Variants in FGF18 observed in about 807,000 individuals in gnomAD.
The protein encoded by FGF18 is fibroblast growth factor 18.
FGF18 carries 5 observed loss-of-function variants against 23.0 expected under a neutral mutation model. That is an observed-to-expected ratio of 0.22 (90% confidence interval 0.11 to 0.46). The LOEUF (loss-of-function observed/expected upper bound fraction) is 0.46, where lower values mean the gene tolerates loss of function less well. Ranked by LOEUF, FGF18 falls within the 20% of genes least tolerant of loss-of-function variation. The pLI is 0.99. For synonymous variants in FGF18, 117 were observed against 118.9 expected, an observed-to-expected ratio of 0.98 and a Z score of 0.10; for missense variants, 180 against 291.6, an observed-to-expected ratio of 0.62 and a Z score of 2.79.
rs1491536696 is a variant in FGF18, at chr5:171,457,172, A to AG, written c.*367_*368insG. The AG allele has an allele frequency of 5.7e-6, 1 of 176,616 alleles. No homozygotes were observed. The highest frequency in any genetic ancestry group is 2.4e-5 in the African/African-American group (1 of 41,910). The allele number at this position is 176,616 out of a possible 1,614,324, so 10.9% of individuals were successfully genotyped here. On this transcript the variant is annotated 3_prime_UTR_variant, in exon 5 of 5. Coordinates refer to ENST00000274625, the MANE Select transcript of FGF18 (RefSeq NM_003862.3). The stretch of plus-strand genomic sequence containing the variant: ...GGTTCTGAAAGGAAAAAAAAAAAAA[A>AG]CAAAAAAAAAGAAAAACAAAGAGAA...
chr5:171,450,941 T>G (rs1275923565), intron 4 of FGF18, among the ~76,000 whole-genome samples: 1 of 151,984 alleles, frequency 6.6e-6, no homozygotes, highest in Non-Finnish European at 1.5e-5. Flanking sequence ...CACCCGCCAG[T>G]GCCCGTGCCC....
intron 2 of FGF18, among the ~76,000 whole-genome samples, chr5:171,420,855 C>G (rs1177059538): frequency 6.6e-6 from 1 of 152,244 alleles, no homozygotes; most frequent in African/African-American, 2.4e-5. Flanking sequence ...GAGTGGATTT[C>G]GAGTCCAGGG....
intron 4 of FGF18, among the ~76,000 whole-genome samples, chr5:171,452,779 C>T (rs1476508712): frequency 6.6e-6 from 1 of 152,170 alleles, no homozygotes; most frequent in Non-Finnish European, 1.5e-5. Context: ...CCCACCAGCA[C>T]ATCTTTGTTA....
intron 2 of FGF18, among the ~76,000 whole-genome samples, chr5:171,421,556 GA>G (rs144365857): frequency 0.021 from 3,129 of 152,290 alleles, 98 homozygotes; most frequent in African/African-American, 0.068. Context: ...TTGAGCACAG[GA>G]AATTGGTGGT....
intron 4 of FGF18, 83 bp downstream of exon 4, chr5:171,449,336 G>A: frequency 1.2e-6 from 1 of 816,608 alleles, no homozygotes; most frequent in Admixed American, 1.8e-5. Flanking sequence ...CCAGGGCACT[G>A]TCAGTCCCAA....
intron 2 of FGF18, among the ~76,000 whole-genome samples, chr5:171,423,905 C>G (rs1375883722): frequency 6.6e-6 from 1 of 150,796 alleles, no homozygotes; most frequent in African/African-American, 2.4e-5. Flanking sequence ...GCTGGGATTA[C>G]AGGTACACAC....
chr5:171,435,651 G>A (rs1442607338), intron 2 of FGF18, among the ~76,000 whole-genome samples: 2 of 152,082 alleles, frequency 1.3e-5, no homozygotes, highest in African/African-American at 4.8e-5. Flanking sequence ...CATGGACCCA[G>A]CGTTCCATCC....
At chr5:171,450,988 C>T (rs536776024) in intron 4 of FGF18, among the ~76,000 whole-genome samples, 7 of 152,168 alleles carry the variant, frequency 4.6e-5, no homozygotes, top group South Asian at 2.1e-4. Flanking sequence ...CGTGCTGTTC[C>T]CGGCATCTTG....
At chr5:171,444,470 C>T (rs1320875721) in intron 3 of FGF18, among the ~76,000 whole-genome samples, 1 of 152,200 alleles carries the variant, frequency 6.6e-6, no homozygotes, top group Non-Finnish European at 1.5e-5. Flanking sequence ...GGACAATGCC[C>T]AGCACATCAT....
rs534322394 is a variant in FGF18, at chr5:171,449,143, G to C, written c.251-4G>C. On this transcript the variant is annotated splice_polypyrimidine_tract_variant and splice_region_variant and intron_variant, in intron 3 of 4. Transcript: ENST00000274625. ...GTGTCTTGTTCTCCTTCTGCCTTTCGAAGCCCAGCTCCTAGTGGAGACAGA... is the reference window on the plus strand; with the variant it reads ...GTGTCTTGTTCTCCTTCTGCCTTTCCAAGCCCAGCTCCTAGTGGAGACAGA... 1.2e-6 allele frequency: 2 copies of C among 1,611,348 alleles called. No individual in the cohort carries two copies. The highest frequency in any genetic ancestry group is 1.7e-6 in the Non-Finnish European group (2 of 1,177,578).
rs1183515108 is a variant in FGF18 at position 171,436,825 on chromosome 5, G to T, written c.250+552G>T. ...ACTGCCCAACCCTCCTGGAGTACTT[G>T]GGAACTCACCCCGCTCCCCTGCCTA... On this transcript the variant is annotated intron_variant, in intron 3 of 4. Transcript: ENST00000274625. This position sits in a 1 kb window ranked among gnomAD's most constrained non-coding sequence, Gnocchi z 4.4. Among the ~76,000 whole-genome samples the T allele has an allele frequency of 2.6e-5, 4 of 152,132 alleles. No homozygotes were observed. Among genetic ancestry groups the T allele is most frequent in the Admixed American group, 6.5e-5 (1 of 15,270 alleles).
At position 171,440,228 on chromosome 5, in the gene FGF18, G is replaced by C. The variant is rs571493473; in HGVS notation, c.250+3955G>C. Among the ~76,000 whole-genome samples the C allele has an allele frequency of 5.2e-4, 79 of 152,106 alleles. No homozygotes were observed. Among genetic ancestry groups the C allele is most frequent in the African/African-American group, 1.4e-3 (60 of 41,506 alleles). On this transcript the variant is annotated intron_variant, in intron 3 of 4. Transcript: ENST00000274625. This position sits in a 1 kb window ranked among gnomAD's most constrained non-coding sequence, Gnocchi z 4.0. ...TGACCTCCTTACTATGGGTGTGTGG[G>C]GGGGGGTGGTGCCATCGCGGGCTCA...
At chr5:171,447,839 T>G (rs1459147273) in intron 3 of FGF18, among the ~76,000 whole-genome samples, 1 of 152,148 alleles carries the variant, frequency 6.6e-6, no homozygotes, top group Non-Finnish European at 1.5e-5. Context: ...AAGTCCCTTG[T>G]CACTGAAATT....
chr5:171,448,380 G>A (rs1186613829), intron 3 of FGF18, among the ~76,000 whole-genome samples: 1 of 152,178 alleles, frequency 6.6e-6, no homozygotes, highest in Non-Finnish European at 1.5e-5. Flanking sequence ...CTCACTCCCT[G>A]TGCCCTTCCT....
chr5:171,448,207 T>C (rs1376800446), intron 3 of FGF18, among the ~76,000 whole-genome samples: 1 of 152,096 alleles, frequency 6.6e-6, no homozygotes, highest in South Asian at 2.1e-4. Context: ...CTGTGGAGCA[T>C]GGATGGTGTA....
At chr5:171,448,521 C>T (rs1487297552) in intron 3 of FGF18, among the ~76,000 whole-genome samples, 3 of 152,090 alleles carry the variant, frequency 2.0e-5, no homozygotes, top group Non-Finnish European at 2.9e-5. Flanking sequence ...GGGAGGTGTG[C>T]GTGCACATGC....
At chr5:171,453,605 A>G (rs1481155766) in intron 4 of FGF18, among the ~76,000 whole-genome samples, 3 of 152,148 alleles carry the variant, frequency 2.0e-5, no homozygotes, top group African/African-American at 7.2e-5. Flanking sequence ...TAGAATCTCC[A>G]TGACCCTGGG....
At chr5:171,442,259 T>G (rs1772357789) in intron 3 of FGF18, among the ~76,000 whole-genome samples, 1 of 152,144 alleles carries the variant, frequency 6.6e-6, no homozygotes, top group African/African-American at 2.4e-5. Flanking sequence ...GCAGAGTGTG[T>G]GTGTGTGCCT....
intron 2 of FGF18, among the ~76,000 whole-genome samples, chr5:171,422,099 C>T (rs968489303): frequency 2.0e-5 from 3 of 151,986 alleles, no homozygotes; most frequent in Admixed American, 6.5e-5. Flanking sequence ...GGATGTGTGG[C>T]TCAAGCCTCT....
Sources: gnomAD v4.1 joint callset for allele counts (sites outside exome capture counted in the v4.1 genomes callset) on GRCh38, gnomAD v4.1.1 for gene constraint, Gnocchi (gnomAD v3.1) non-coding constraint, MANE v1.5 for transcripts, NCBI Gene and HGNC (gene_info 2026-07-23, HGNC 2026-07-21) for gene names.